TMEM132C: variants seen among roughly 807,000 people sequenced by gnomAD.
The protein encoded by TMEM132C is protein phosphatase 1, regulatory subunit 152.
Under a neutral mutation model 61.4 loss-of-function variants are expected in TMEM132C, and 29 were observed. That is an observed-to-expected ratio of 0.47 (90% CI 0.35 to 0.64). The LOEUF is 0.64. TMEM132C is among the 30% of genes least tolerant of loss of function. The pLI, the probability that TMEM132C is intolerant of heterozygous loss-of-function variation, is 0.00. For synonymous variants in TMEM132C, 656 were observed against 633.1 expected, an observed-to-expected ratio of 1.04 and a Z score of -0.54; for missense variants, 1,408 against 1,476.9, an observed-to-expected ratio of 0.95 and a Z score of 0.76.
chr12:128,514,597 A>C (rs1055046344), intron 2 of TMEM132C, among the ~76,000 whole-genome samples: 1 of 152,122 alleles, frequency 6.6e-6, no homozygotes, highest in African/African-American at 2.4e-5. Context: ...CCAGATGCAA[A>C]GTCTTCACCC....
intron 4 of TMEM132C, among the ~76,000 whole-genome samples, chr12:128,625,775 C>T (rs575413397): frequency 2.4e-4 from 37 of 152,300 alleles, no homozygotes; most frequent in Middle Eastern, 3.4e-3. Context: ...CAAACCATAT[C>T]AGACACTGAT....
At chr12:128,554,956 G>T (rs1336185593) in intron 3 of TMEM132C, among the ~76,000 whole-genome samples, 1 of 151,896 alleles carries the variant, frequency 6.6e-6, no homozygotes, top group African/African-American at 2.4e-5. Context: ...TCTTGGAGGA[G>T]ACTGGGATCC....
intron 3 of TMEM132C, among the ~76,000 whole-genome samples, chr12:128,551,856 G>A (rs1874187028): frequency 6.6e-6 from 1 of 152,216 alleles, no homozygotes; most frequent in Admixed American, 6.5e-5. Context: ...CCTCAGCACT[G>A]GCAAGAGGGA....
intron 5 of TMEM132C, among the ~76,000 whole-genome samples, chr12:128,691,419 C>T (rs1288630075): frequency 6.6e-6 from 1 of 152,256 alleles, no homozygotes; most frequent in Non-Finnish European, 1.5e-5. Flanking sequence ...TCATCCATCC[C>T]TCTGTCCATC....
intron 1 of TMEM132C, among the ~76,000 whole-genome samples, chr12:128,285,275 T>C (rs2135902711): frequency 6.6e-6 from 1 of 152,350 alleles, no homozygotes; most frequent in East Asian, 1.9e-4. Context: ...GTGATTGATA[T>C]GCAATTACTC....
intron 1 of TMEM132C, among the ~76,000 whole-genome samples, chr12:128,408,124 C>A (rs1253959041): frequency 6.6e-6 from 1 of 152,172 alleles, no homozygotes; most frequent in Non-Finnish European, 1.5e-5. Flanking sequence ...CTTCACTTCA[C>A]TTCATCCCTT....
chr12:128,614,843 A>G (rs1593120988), intron 3 of TMEM132C, among the ~76,000 whole-genome samples: 1 of 152,326 alleles, frequency 6.6e-6, no homozygotes, highest in African/African-American at 2.4e-5. Context: ...TGTATTTACT[A>G]CACAGCCAGG....
At chr12:128,325,120 G>C (rs1463214175) in intron 1 of TMEM132C, among the ~76,000 whole-genome samples, 1 of 152,160 alleles carries the variant, frequency 6.6e-6, no homozygotes, top group Admixed American at 6.5e-5. Flanking sequence ...CCACACACCA[G>C]CTGGGAGTGT....
intron 3 of TMEM132C, among the ~76,000 whole-genome samples, chr12:128,566,189 C>CAAAAGAAAAAAAAAAAAA (rs1874694093): frequency 1.5e-5 from 1 of 67,858 alleles, no homozygotes; most frequent in African/African-American, 5.0e-5. Context: ...CAAGCCTAAC[C>CAAAAGAAAAAAAAAAAAA]AAAAAAAAAA....
chr12:128,480,409 G>A lies in TMEM132C; in HGVS notation c.975-63548G>A, dbSNP rs76041584. Among the ~76,000 whole-genome samples the A allele has an allele frequency of 9.8e-3, 1,486 of 152,336 alleles. 27 individuals are homozygous for A. The highest frequency in any genetic ancestry group is 0.033 in the African/African-American group (1,391 of 41,578). ...AAAGTAGACAGCAATAAGCCAGTAA[G>A]CTTGCGCCCAAAGTCTGAGATAGTT... is the stretch of plus-strand genomic sequence containing the variant. On this transcript the variant is annotated intron_variant, in intron 2 of 8. Coordinates refer to ENST00000435159, the MANE Select transcript of TMEM132C (RefSeq NM_001136103.3).
Position 128,326,710 on chromosome 12 carries a change from A to T in TMEM132C, c.85+59223A>T, listed in dbSNP as rs1291328660. ...ATTAGCCTTTGTGCCCCTAAGACGGAGCAGGCTGGAAGGTAAGAGGCAGAG... is the reference window on the plus strand; with the variant it reads ...ATTAGCCTTTGTGCCCCTAAGACGGTGCAGGCTGGAAGGTAAGAGGCAGAG... On this transcript the variant is annotated intron_variant, in intron 1 of 8. Transcript: ENST00000435159. This position sits in a 1 kb window ranked among gnomAD's most constrained non-coding sequence, Gnocchi z 5.6. Among the ~76,000 whole-genome samples the T allele has an allele frequency of 6.6e-6, 1 of 152,194 alleles. No homozygotes were observed. Among genetic ancestry groups the T allele is most frequent in the Non-Finnish European group, 1.5e-5 (1 of 68,030 alleles).
At chr12:128,637,834 T>C (rs7961499) in intron 4 of TMEM132C, among the ~76,000 whole-genome samples, 58,267 of 152,158 alleles carry the variant, frequency 0.38, 13,193 homozygotes, top group African/African-American at 0.64. Flanking sequence ...AGAACTTTGC[T>C]GAGTTCAACT....
Position 128,275,886 on chromosome 12 carries a change from T to C in TMEM132C, c.85+8399T>C, listed in dbSNP as rs1406582364. 2.0e-5 allele frequency among the ~76,000 whole-genome samples: 3 copies of C among 152,206 alleles called. No homozygotes were observed. In the East Asian group the frequency reaches 5.8e-4, roughly 29 times the overall value. On this transcript the variant is annotated intron_variant, in intron 1 of 8. Coordinates refer to ENST00000435159, the MANE Select transcript of TMEM132C (RefSeq NM_001136103.3). ...ATGTTGTCAGGGCCATGCACTGTGCTGAGCCCCCAGGGGAGGATCCTTCCT... is the reference window on the plus strand; with the variant it reads ...ATGTTGTCAGGGCCATGCACTGTGCCGAGCCCCCAGGGGAGGATCCTTCCT...
intron 3 of TMEM132C, among the ~76,000 whole-genome samples, chr12:128,548,626 G>A (rs531279318): frequency 6.6e-6 from 1 of 152,226 alleles, no homozygotes; most frequent in East Asian, 1.9e-4. Flanking sequence ...ATAGGTTCTA[G>A]GCACTAGGAT....
intron 2 of TMEM132C, among the ~76,000 whole-genome samples, chr12:128,443,600 G>A (rs1869871680): frequency 6.6e-6 from 1 of 152,008 alleles, no homozygotes; most frequent in Non-Finnish European, 1.5e-5. Context: ...AGAATCTCTG[G>A]GACCCACCTG....
intron 2 of TMEM132C, among the ~76,000 whole-genome samples, chr12:128,417,816 T>C (rs983614548): frequency 2.0e-5 from 3 of 152,240 alleles, no homozygotes; most frequent in African/African-American, 7.2e-5. Flanking sequence ...ACAGACATTG[T>C]GTGTTGTGTA....
chr12:128,478,439 T>A (rs978818759), intron 2 of TMEM132C, among the ~76,000 whole-genome samples: 1 of 152,190 alleles, frequency 6.6e-6, no homozygotes, highest in African/African-American at 2.4e-5. Flanking sequence ...GTGGCCTCCT[T>A]TCAGGGAGGA....
intron 2 of TMEM132C, among the ~76,000 whole-genome samples, chr12:128,519,869 G>A (rs748658996): frequency 2.6e-5 from 4 of 152,204 alleles, no homozygotes; most frequent in Non-Finnish European, 5.9e-5. Context: ...GATGTTGCCT[G>A]TGCGGCCCTG....
chr12:128,706,184 C>A lies in TMEM132C; in HGVS notation c.3216C>A (p.Asn1072Lys). Residue 1072 changes from asparagine (N) to lysine (K), a missense_variant, in exon 9 of 9, where the codon AAC (asparagine) becomes AAA (lysine). By Grantham distance (94) the Asn-to-Lys change is moderately conservative (BLOSUM62 0). Transcript: ENST00000435159. The part of the protein sequence containing the change: ...IPPDDSCPTV[N>K]SIVSSNDEDI... ...CGGACGACAGCTGCCCCACGGTGAA[C>A]TCCATCGTCAGCAGCAATGATGAGG... 1 of 1,551,698 alleles carries A rather than the reference C, an allele frequency of 6.4e-7. No individual in the cohort carries two copies.
Sources: gnomAD v4.1 joint callset for allele counts (sites outside exome capture counted in the v4.1 genomes callset) on GRCh38, gnomAD v4.1.1 for gene constraint, Gnocchi (gnomAD v3.1) non-coding constraint, MANE v1.5 for transcripts, NCBI Gene and HGNC (gene_info 2026-07-23, HGNC 2026-07-21) for gene names.